Variants in ANAPC4 observed in about 807,000 individuals in gnomAD.
The protein encoded by ANAPC4 is anaphase-promoting complex subunit 4.
A neutral mutation model predicts 119.8 loss-of-function variants in ANAPC4; 63 were observed. That is an observed-to-expected ratio of 0.53 (90% CI 0.43 to 0.65). The LOEUF is 0.65. Among genes scored for constraint, ANAPC4 ranks in the 30% least tolerant of loss-of-function variants. The probability of loss-of-function intolerance (pLI) is 0.00; values close to 1 mark genes in which losing one functional copy is unlikely to be tolerated. For synonymous variants in ANAPC4, 283 were observed against 318.6 expected, an observed-to-expected ratio of 0.89 and a Z score of 1.19; for missense variants, 716 against 945.1, an observed-to-expected ratio of 0.76 and a Z score of 3.18.
At chr4:25,402,470 T>C (rs12651483) in intron 16 of ANAPC4, among the ~76,000 whole-genome samples, 27,983 of 152,094 alleles carry the variant, frequency 0.18, 2,672 homozygotes, top group African/African-American at 0.23. Flanking sequence ...ACTTTTGAGA[T>C]CTCAATTGTT....
intron 4 of ANAPC4, 22 bp downstream of exon 4, chr4:25,383,415 G>A (rs1156306270): frequency 1.9e-6 from 3 of 1,559,620 alleles, no homozygotes; most frequent in African/African-American, 2.7e-5. Flanking sequence ...AACTTATGTA[G>A]TCATAGGGTA....
At chr4:25,413,280 T>G (rs1183398343) in intron 21 of ANAPC4, 1 of 175,210 alleles carries the variant, frequency 5.7e-6, no homozygotes, top group Non-Finnish European at 1.2e-5. Flanking sequence ...AAAACAGTAC[T>G]GGACTGCTGT....
intron 21 of ANAPC4, among the ~76,000 whole-genome samples, chr4:25,410,702 C>T (rs1037224244): frequency 6.6e-5 from 10 of 152,074 alleles, no homozygotes; most frequent in Admixed American, 3.9e-4. Context: ...TTTTGAGCAC[C>T]GACATGACAC....
At chr4:25,387,021 A>C (rs114686450) in intron 4 of ANAPC4, among the ~76,000 whole-genome samples, 2 of 152,102 alleles carry the variant, frequency 1.3e-5, no homozygotes, top group Non-Finnish European at 2.9e-5. Context: ...CCATTTCATG[A>C]TTTATATCAT....
intron 14 of ANAPC4, among the ~76,000 whole-genome samples, chr4:25,396,162 T>C (rs181134418): frequency 6.6e-6 from 1 of 152,350 alleles, no homozygotes; most frequent in East Asian, 1.9e-4. Context: ...TCTTCTGTTA[T>C]ACCTGCACCC....
At chr4:25,411,452 A>G (rs1451126415) in intron 21 of ANAPC4, among the ~76,000 whole-genome samples, 1 of 152,222 alleles carries the variant, frequency 6.6e-6, no homozygotes, top group African/African-American at 2.4e-5. Flanking sequence ...AATTCTAGTG[A>G]GGAAATATCA....
At chr4:25,416,356 A>G (rs1234138509) in intron 26 of ANAPC4, 69 bp from the exon 27 acceptor site, 13 of 1,096,910 alleles carry the variant, frequency 1.2e-5, no homozygotes, top group Non-Finnish European at 1.6e-5. Context: ...CTGCCAGTAT[A>G]ACATGCATAC....
At chr4:25,412,012 A>G (rs60039610) in intron 21 of ANAPC4, among the ~76,000 whole-genome samples, 25,202 of 152,120 alleles carry the variant, frequency 0.17, 2,120 homozygotes, top group East Asian at 0.18. Context: ...TTGGGTAGCC[A>G]TGCTTGTTGT....
chr4:25,388,609 C>T, intron 5 of ANAPC4, 35 bp downstream of exon 5: 1 of 1,569,242 alleles, frequency 6.4e-7, no homozygotes, highest in Non-Finnish European at 8.7e-7. Context: ...ATTAATCTTG[C>T]AGATTTCTCT....
intron 16 of ANAPC4, among the ~76,000 whole-genome samples, chr4:25,397,114 C>A (rs1200210245): frequency 6.6e-6 from 1 of 152,190 alleles, no homozygotes; most frequent in East Asian, 1.9e-4. Flanking sequence ...CAGGTCTTCT[C>A]GCCAGAGGGA....
chr4:25,386,403 G>T (rs923518057), intron 4 of ANAPC4, among the ~76,000 whole-genome samples: 1 of 151,754 alleles, frequency 6.6e-6, no homozygotes, highest in African/African-American at 2.4e-5. Flanking sequence ...AGTGGAGACG[G>T]GATTTCACCA....
chr4:25,407,028 A>G lies in ANAPC4; in HGVS notation c.1374+143A>G, dbSNP rs1044633278. The G allele has an allele frequency of 1.8e-5, 16 of 901,152 alleles. No homozygotes were observed. The Admixed American group carries it at 4.8e-4, about 27-fold the overall frequency. 55.8% of individuals were successfully genotyped at this position (901,152 alleles called of 1,614,324 possible). On this transcript the variant is annotated intron_variant, in intron 19 of 28. Coordinates refer to ENST00000315368, the MANE Select transcript of ANAPC4 (RefSeq NM_013367.3). ...TAAAACTGTTGAACTAATTATGTTT[A>G]TAAACATAGTCAATAAACCAGACTT...
rs1722929791 is a variant in ANAPC4, at chr4:25,400,918, G to A, written c.1215-2053G>A. 2.0e-5 allele frequency among the ~76,000 whole-genome samples: 3 copies of A among 152,132 alleles called. No homozygotes were observed. The South Asian group carries it at 6.2e-4, about 32-fold the overall frequency. On this transcript the variant is annotated intron_variant, in intron 16 of 28. Coordinates refer to ENST00000315368, the MANE Select transcript of ANAPC4 (RefSeq NM_013367.3). The stretch of plus-strand genomic sequence containing the variant: ...CTTGAAATTGAGACTTAGAAGGGTT[G>A]CAGTTGGTGATGACAGCCTCTGGGG...
chr4:25,388,130 A>G (rs1325686350), intron 4 of ANAPC4, among the ~76,000 whole-genome samples: 2 of 152,212 alleles, frequency 1.3e-5, no homozygotes, highest in Non-Finnish European at 2.9e-5. Flanking sequence ...CATAAATAAA[A>G]GATAGTGCTA....
At chr4:25,377,664 T>C in intron 2 of ANAPC4, 108 bp downstream of exon 2, 1 of 1,467,716 alleles carries the variant, frequency 6.8e-7, no homozygotes, top group Non-Finnish European at 9.1e-7. Flanking sequence ...GAGCCTCAGT[T>C]TCCCCTTCTG....
At chr4:25,404,869 G>A (rs888387748) in intron 17 of ANAPC4, among the ~76,000 whole-genome samples, 2 of 152,052 alleles carry the variant, frequency 1.3e-5, no homozygotes, top group East Asian at 1.9e-4. Flanking sequence ...ATAAGAATGA[G>A]TGGAACTAGA....
intron 22 of ANAPC4, 165 bp downstream of exon 22, chr4:25,413,907 C>T: frequency 1.7e-6 from 1 of 586,928 alleles, no homozygotes; most frequent in Non-Finnish European, 2.9e-6. Flanking sequence ...CAACCTAATA[C>T]TCCAACTTAA....
At chr4:25,391,183 ATAT>A (rs1471831417) in intron 9 of ANAPC4, among the ~76,000 whole-genome samples, 168 bp downstream of exon 9, 4 of 152,208 alleles carry the variant, frequency 2.6e-5, no homozygotes, top group East Asian at 1.9e-4. Context: ...AGTGAATACC[ATAT>A]TATTCTTCCC....
Position 25,396,729 on chromosome 4 carries a change from A to T in ANAPC4, c.1127A>T (p.Tyr376Phe). 3 of 1,613,832 alleles carry T rather than the reference A, an allele frequency of 1.9e-6. No individual in the cohort carries two copies. The highest frequency in any genetic ancestry group is 2.5e-6 in the Non-Finnish European group (3 of 1,179,902). The change falls in exon 15 of 29, where the codon TAT becomes TTT. Residue 376 changes from tyrosine (Y) to phenylalanine (F), a missense_variant. By Grantham distance (22) the Tyr-to-Phe change is conservative (BLOSUM62 3). Around this residue, in one of 3 missense-constraint regions of ANAPC4, gnomAD observed 504 missense variants for 615.8 expected, o/e 0.82. Coordinates refer to ENST00000315368, the MANE Select transcript of ANAPC4 (RefSeq NM_013367.3). Reference protein sequence around the residue: ...LKGMASWKQKYEPLGLDAAGI... With the variant: ...LKGMASWKQKFEPLGLDAAGI... ...GGAATGGCTTCATGGAAGCAAAAAT[A>T]TGAACCTCTTGGACTAGATGCTGCA...
Sources: allele counts gnomAD v4.1 joint callset (sites outside exome capture counted in the v4.1 genomes callset), GRCh38; gene constraint gnomAD v4.1.1; regional missense constraint gnomAD v4.1.1; transcripts MANE v1.5; gene names NCBI Gene and HGNC (gene_info 2026-07-23, HGNC 2026-07-21).